The following TTN variants were observed in gnomAD, a reference collection of about 807,000 sequenced individuals.
The protein encoded by TTN is connectin.
In TTN, 1,525 loss-of-function variants were observed where a neutral mutation model predicts 3,223.0. That is an observed-to-expected ratio of 0.47 (90% CI 0.45 to 0.49). The LOEUF (loss-of-function observed/expected upper bound fraction) is 0.49. Among genes scored for constraint, TTN ranks in the 20% least tolerant of loss-of-function variants. The probability of loss-of-function intolerance (pLI) is 0.00; values close to 1 mark genes in which losing one functional copy is unlikely to be tolerated. For missense variants in TTN, 40,786 were observed against 43,424.0 expected, an observed-to-expected ratio of 0.94 and a Z score of 5.40; for synonymous variants, 14,094 against 15,161.0, an observed-to-expected ratio of 0.93 and a Z score of 5.17.
intron 270 of TTN, among the ~76,000 whole-genome samples, 179 bp from the exon 271 acceptor site, chr2:178,610,568 A>G (rs1053139008): frequency 2.0e-5 from 3 of 151,962 alleles, no homozygotes; most frequent in African/African-American, 7.2e-5. Context: ...TGTCAGTGGT[A>G]TCTACCTCAA....
Position 178,574,913 on chromosome 2 carries a change from G to A in TTN, c.71219C>T (p.Ser23740Leu), listed in dbSNP as rs757597284. The part of the protein sequence containing the change: ...PTGPIKFDEV[S>L]SDFVTFSWDP... ...CCAAGAGAAGGTTACAAAATCAGAT[G>A]AAACTTCATCAAATTTGATTGGTCC... The change falls in exon 326 of 363, where the codon TCA becomes TTA. Residue 23740 changes from serine (S) to leucine (L), a missense_variant. By Grantham distance (145) the Ser-to-Leu change is moderately radical. Coordinates refer to ENST00000589042, the MANE Select transcript of TTN (RefSeq NM_001267550.2). 8.1e-6 allele frequency: 13 copies of A among 1,612,730 alleles called. 1 individual carries two copies. The South Asian group carries it at 1.2e-4, about 15-fold the overall frequency.
rs200520316 is a variant in TTN, at chr2:178,732,512, A to C, written c.16549T>G (p.Ser5517Ala). ...CTGACTTTACATGTGTACGTGCCCG[A>C]ATCAGAGGTTTTTACTAAATAGAGT... ...LELYLVKTSD[S>A]GTYTCKVSNV... The change falls in exon 56 of 363, where the codon TCG becomes GCG. Residue 5517 changes from serine to alanine, a missense_variant. Ser to Ala is a moderately conservative substitution (Grantham distance 99). Transcript: ENST00000589042. The C allele has an allele frequency of 4.7e-5, 76 of 1,613,730 alleles. No individual in the cohort carries two copies. The South Asian group carries it at 7.8e-4, about 17-fold the overall frequency.
At position 178,794,918 on chromosome 2, in the gene TTN, G is replaced by A; in HGVS notation, c.1245+4C>T. On this transcript the variant is annotated splice_donor_region_variant and intron_variant, in intron 7 of 362. Transcript: ENST00000589042. ...AAGGAAAAACAAAACCATTCTGACA[G>A]TACCTCTTTAGCACCAGTGGCAACA... 1 of 1,601,006 alleles carries A rather than the reference G, an allele frequency of 6.2e-7. No homozygotes were observed. The highest frequency in any genetic ancestry group is 8.5e-7 in the Non-Finnish European group (1 of 1,179,924).
At chr2:178,759,311 G>T in intron 43 of TTN, 139 bp from the exon 44 acceptor site, 1 of 801,998 alleles carries the variant, frequency 1.2e-6, no homozygotes, top group Non-Finnish European at 2.0e-6. Flanking sequence ...CTCTGGGCAT[G>T]CCATATCTAC....
chr2:178,698,935 A>G (rs938584734), intron 111 of TTN, 21 bp from the exon 112 acceptor site: 2 of 1,489,312 alleles, frequency 1.3e-6, no homozygotes, highest in East Asian at 5.0e-5. Context: ...AAAAAAAGAA[A>G]AAAAAAGAAA....
chr2:178,768,881 A>T lies in TTN; in HGVS notation c.8955T>A (p.Thr2985=). The T allele has an allele frequency of 6.2e-7, 1 of 1,614,080 alleles. No homozygotes were observed. The highest frequency in any genetic ancestry group is 8.5e-7 in the Non-Finnish European group (1 of 1,180,000). The change falls in exon 38 of 363, where the codon ACT becomes ACA. Residue 2985 remains threonine, a synonymous_variant. Transcript: ENST00000589042. ...LKDINAEEKD[T]ITFEVTVNYE... ...AGTTCACTGTCACCTCAAAAGTAAT[A>T]GTGTCTTTTTCTTCAGCGTTGATGT...
intron 332 of TTN, 91 bp downstream of exon 332, chr2:178,554,362 A>G: frequency 1.4e-6 from 2 of 1,455,502 alleles, no homozygotes; most frequent in Non-Finnish European, 1.9e-6. Context: ...GACAGGTGTT[A>G]TATAAAAGAA....
intron 47 of TTN, chr2:178,750,183 T>C (rs1167562317): frequency 3.7e-6 from 6 of 1,613,118 alleles, no homozygotes; most frequent in African/African-American, 1.3e-5. Context: ...TCTTGACTCA[T>C]AGATGGATGG....
chr2:178,625,213 G>A, intron 241 of TTN, 60 bp downstream of exon 241: 1 of 1,550,986 alleles, frequency 6.4e-7, no homozygotes, highest in Non-Finnish European at 8.7e-7. Flanking sequence ...ATAATTGAGA[G>A]TTGGCATTGT....
In TTN at chr2:178,768,057, C is replaced by T. The variant is rs776977480; in HGVS notation, c.9262G>A (p.Val3088Ile). The T allele has an allele frequency of 8.1e-6, 13 of 1,614,140 alleles. 1 individual carries two copies. In the South Asian group the frequency reaches 9.9e-5, roughly 12 times the overall value. ...ECEVSEPDIT[V>I]QWMKDDQELQ... ...TCCTGGTCATCTTTCATCCACTGTA[C>T]AGTGATGTCAGGTTCAGAAACTTCA... The change falls in exon 39 of 363, where the codon GTA becomes ATA. Residue 3088 changes from valine (V) to isoleucine (I), a missense_variant. Val to Ile is a conservative substitution (Grantham distance 29). Transcript: ENST00000589042.
At position 178,634,031 on chromosome 2, in the gene TTN, A is replaced by G. The variant is rs774061049; in HGVS notation, c.42468T>C (p.Gly14156=). Residue 14156 remains glycine, a synonymous_variant, in exon 231 of 363, where the codon GGT becomes GGC. Transcript: ENST00000589042. The surrounding 1 kb of genome is among the most constrained non-coding windows in gnomAD (Gnocchi z 4.6). ...GTTCACAAACAAAAGTTGCTGTTTCACCTTCTTTTACTGTTTGATCTTCAA... is the reference window on the plus strand; with the variant it reads ...GTTCACAAACAAAAGTTGCTGTTTCGCCTTCTTTTACTGTTTGATCTTCAA... The part of the protein sequence containing the change: ...SPLEDQTVKE[G]ETATFVCELS... 4.3e-6 allele frequency: 7 copies of G among 1,613,184 alleles called. No individual in the cohort carries two copies. Among genetic ancestry groups the G allele is most frequent in the Non-Finnish European group, 5.9e-6 (7 of 1,179,472 alleles).
At position 178,652,395 on chromosome 2, in the gene TTN, A is replaced by G. The variant is rs760816815; in HGVS notation, c.39128-48T>C. The G allele has an allele frequency of 3.1e-6, 5 of 1,613,154 alleles. No individual in the cohort carries two copies. The Admixed American group carries it at 6.7e-5, about 22-fold the overall frequency. ...ACATTTAGGCATTATGAAGACCACT[A>G]GAAAAATACTTTCCAGAGCAGAAGA... On this transcript the variant is annotated intron_variant, in intron 202 of 362. Coordinates refer to ENST00000589042, the MANE Select transcript of TTN (RefSeq NM_001267550.2).
Position 178,611,045 on chromosome 2 carries a change from T to C in TTN, c.51084A>G (p.Thr17028=). The C allele has an allele frequency of 6.2e-7, 1 of 1,612,750 alleles. No homozygotes were observed. Among genetic ancestry groups the C allele is most frequent in the South Asian group, 1.1e-5 (1 of 91,018 alleles). ...VRADAGIYTI[T]LENKLGSATA... is the part of the protein sequence containing the mutation. ...TTGCTGAGCCGAGCTTATTCTCCAGTGTAATGGTATAAATTCCGGCATCTG... is the reference window on the plus strand; with the variant it reads ...TTGCTGAGCCGAGCTTATTCTCCAGCGTAATGGTATAAATTCCGGCATCTG... Residue 17028 remains threonine (T), a synonymous_variant, in exon 270 of 363, where the codon ACA becomes ACG. Coordinates refer to ENST00000589042, the MANE Select transcript of TTN (RefSeq NM_001267550.2).
rs79906856 is a variant in TTN at position 178,569,840 on chromosome 2, T to C, written c.76292A>G (p.Tyr25431Cys). The C allele has an allele frequency of 1.6e-5, 26 of 1,613,514 alleles. No homozygotes were observed. In the East Asian group the frequency reaches 5.4e-4, roughly 33 times the overall value. The change falls in exon 326 of 363, where the codon TAT becomes TGT. Residue 25431 changes from tyrosine to cysteine, a missense_variant. Coordinates refer to ENST00000589042, the MANE Select transcript of TTN (RefSeq NM_001267550.2). ...TCCTTGAATTTCACAGCCACCATCATATATTGGTTTGCTCCAAGAAAGGAA... is the reference window on the plus strand; with the variant it reads ...TCCTTGAATTTCACAGCCACCATCACATATTGGTTTGCTCCAAGAAAGGAA... Reference protein sequence around the residue: ...SVFLSWSKPIYDGGCEIQGYI... With the variant: ...SVFLSWSKPICDGGCEIQGYI...
In TTN at chr2:178,778,853, C is replaced by A. The variant is rs770432115; in HGVS notation, c.4208+21G>T. 4.3e-6 allele frequency: 7 copies of A among 1,613,424 alleles called. No homozygotes were observed. In the African/African-American group the frequency reaches 5.3e-5, roughly 12 times the overall value. Reference sequence around the variant, plus strand: ...GAAAACAATTTACATACTAAATAACCCAAATTATTACAAGTCTTACCTGAT... The same window carrying A: ...GAAAACAATTTACATACTAAATAACACAAATTATTACAAGTCTTACCTGAT... On this transcript the variant is annotated intron_variant, in intron 24 of 362. Coordinates refer to ENST00000589042, the MANE Select transcript of TTN (RefSeq NM_001267550.2).
chr2:178,729,550 G>C lies in TTN; in HGVS notation c.18606C>G (p.Ile6202Met), dbSNP rs1041345186. 1 of 1,612,624 alleles carries C rather than the reference G, an allele frequency of 6.2e-7. No individual in the cohort carries two copies. Among genetic ancestry groups the C allele is most frequent in the Non-Finnish European group, 8.5e-7 (1 of 1,179,140 alleles). ...CTACCTCCACAGGCTTCAGCTCTCT[G>C]ATAAAGGTGGGGGGTTCTAAAGATT... ...ELKVKEPPTF[I>M]RELKPVEVVK... Residue 6202 changes from isoleucine (I) to methionine (M), a missense_variant, in exon 64 of 363, where the codon ATC (isoleucine) becomes ATG (methionine). Ile to Met is a conservative substitution (Grantham distance 10). Transcript: ENST00000589042.
At chr2:178,795,295 G>C (rs767579033) in intron 6 of TTN, 43 bp from the exon 7 acceptor site, 61 of 1,581,702 alleles carry the variant, frequency 3.9e-5, no homozygotes, top group Non-Finnish European at 5.0e-5. Flanking sequence ...AAAGCAAGGA[G>C]GGGTAACTGG....
intron 330 of TTN, 91 bp from the exon 331 acceptor site, chr2:178,555,243 T>G: frequency 8.5e-7 from 1 of 1,181,670 alleles, no homozygotes; most frequent in African/African-American, 1.6e-5. Context: ...TCATTGGCCA[T>G]TATTAAATTA....
intron 295 of TTN, 88 bp from the exon 296 acceptor site, chr2:178,594,734 T>C (rs2051044979): frequency 1.3e-5 from 15 of 1,121,964 alleles, no homozygotes; most frequent in Middle Eastern, 3.0e-4. Flanking sequence ...TTTCTGAAGA[T>C]TGCATTTAAA....
Sources: gnomAD v4.1 joint callset for allele counts (sites outside exome capture counted in the v4.1 genomes callset) on GRCh38, gnomAD v4.1.1 for gene constraint, Gnocchi (gnomAD v3.1) non-coding constraint, MANE v1.5 for transcripts, NCBI Gene and HGNC (gene_info 2026-07-23, HGNC 2026-07-21) for gene names.